SHPK: variants seen among roughly 807,000 people sequenced by gnomAD.
The protein encoded by SHPK is carbohydrate kinase-like protein.
In SHPK, 51 loss-of-function variants were observed where a neutral mutation model predicts 46.3. The ratio of observed to expected loss-of-function variants is 1.10; its 90% CI spans 0.88 to 1.39. The LOEUF is 1.39. Ranked by LOEUF, SHPK falls within the 40% of genes most tolerant of loss-of-function variation. The pLI is 0.00. For synonymous variants in SHPK, 290 were observed against 273.9 expected (o/e 1.06, Z -0.58); for missense variants, 668 against 641.3 (o/e 1.04, Z -0.45).
rs751473040 is a variant in SHPK, at chr17:3,621,429, G to C, written c.648-17C>G. On this transcript the variant is annotated splice_polypyrimidine_tract_variant and intron_variant, in intron 4 of 6. Coordinates refer to ENST00000225519, the MANE Select transcript of SHPK (RefSeq NM_013276.4). ...CTCCTCAGTCTGTAAAACAGAAGTGGACACCCACATGGACCCACAGTTAGG... is the reference window on the plus strand; with the variant it reads ...CTCCTCAGTCTGTAAAACAGAAGTGCACACCCACATGGACCCACAGTTAGG... 1 of 1,611,708 alleles carries C rather than the reference G, an allele frequency of 6.2e-7. No individual in the cohort carries two copies. The highest frequency in any genetic ancestry group is 8.5e-7 in the Non-Finnish European group (1 of 1,178,768).
At chr17:3,632,088 C>A (rs868500282) in intron 1 of SHPK, among the ~76,000 whole-genome samples, 2 of 151,966 alleles carry the variant, frequency 1.3e-5, no homozygotes, top group Middle Eastern at 3.4e-3. Context: ...TCCCAAGTAC[C>A]TGGGACTATA....
Position 3,623,397 on chromosome 17 carries a change from G to A in SHPK, c.589C>T (p.Gln197Ter). The part of the protein sequence containing the change: ...CGLPRPLMSD[Q>*]NAASWGYFNT... ...AAATAGCCCCAGCTGGCAGCATTCT[G>A]GTCGGACATCAGAGGTCTTGGCAAG... The change falls in exon 4 of 7, where the codon CAG becomes TAG. Residue 197 changes from glutamine to a stop codon, truncating the protein, a stop_gained. Coordinates refer to ENST00000225519, the MANE Select transcript of SHPK (RefSeq NM_013276.4). LOFTEE classifies it high-confidence loss of function. The A allele has an allele frequency of 3.1e-6, 5 of 1,614,188 alleles. No homozygotes were observed. Among genetic ancestry groups the A allele is most frequent in the Non-Finnish European group, 3.4e-6 (4 of 1,179,990 alleles).
intron 1 of SHPK, among the ~76,000 whole-genome samples, chr17:3,631,379 T>C (rs1037153833): frequency 4.6e-5 from 7 of 151,972 alleles, no homozygotes; most frequent in African/African-American, 1.7e-4. Context: ...GGAATAGACA[T>C]TTGTTTAGAC....
chr17:3,611,798 GTTTTT>G (rs570066157), intron 6 of SHPK, among the ~76,000 whole-genome samples: 2 of 92,134 alleles, frequency 2.2e-5, no homozygotes, highest in African/African-American at 4.6e-5. Flanking sequence ...AGCTCTGCGG[GTTTTT>G]TTTTTTTTTT....
Position 3,611,154 on chromosome 17 carries a change from G to A in SHPK, c.1025-182C>T, listed in dbSNP as rs753990053. ...TAGCTACACTCTGCCCTGGATCCCC[G>A]CCCGCTGTCTCAGTGCAGACCCCAG... On this transcript the variant is annotated intron_variant, in intron 6 of 6. Transcript: ENST00000225519. Among the ~76,000 whole-genome samples the A allele has an allele frequency of 7.2e-5, 11 of 152,294 alleles. No homozygotes were observed. The South Asian group carries it at 2.1e-3, about 29-fold the overall frequency.
chr17:3,615,315 C>T (rs370963928), intron 6 of SHPK, 22 bp downstream of exon 6: 88 of 1,611,010 alleles, frequency 5.5e-5, no homozygotes, highest in Non-Finnish European at 6.7e-5. Context: ...GAGAACACAG[C>T]GCTGTGTGGG....
chr17:3,628,178 C>T (rs950786419), intron 2 of SHPK, among the ~76,000 whole-genome samples: 2 of 152,158 alleles, frequency 1.3e-5, no homozygotes, highest in African/African-American at 4.8e-5. Flanking sequence ...CTCATAACTA[C>T]AGCCCCCCAA....
intron 1 of SHPK, among the ~76,000 whole-genome samples, chr17:3,632,432 T>C (rs560773175): frequency 6.6e-6 from 1 of 152,136 alleles, no homozygotes; most frequent in Admixed American, 6.5e-5. Flanking sequence ...CACATGGCCA[T>C]GGGGTGGTGT....
intron 5 of SHPK, among the ~76,000 whole-genome samples, chr17:3,616,776 T>C (rs574578307): frequency 6.6e-6 from 1 of 152,336 alleles, no homozygotes; most frequent in Admixed American, 6.5e-5. Flanking sequence ...TTTTGCTCTG[T>C]CACCCAGTCT....
At chr17:3,625,918 T>C (rs957997086) in intron 2 of SHPK, among the ~76,000 whole-genome samples, 3 of 152,118 alleles carry the variant, frequency 2.0e-5, no homozygotes, top group South Asian at 2.1e-4. Flanking sequence ...CCAGGTGTGG[T>C]AGCGGGTGCC....
chr17:3,623,687 A>C (rs956381410), intron 3 of SHPK, among the ~76,000 whole-genome samples, 196 bp from the exon 4 acceptor site: 2 of 152,180 alleles, frequency 1.3e-5, no homozygotes, highest in South Asian at 4.1e-4. Context: ...AGCCTAAGTC[A>C]GCCCCAGGGG....
At chr17:3,634,432 C>G (rs1205518242) in intron 1 of SHPK, among the ~76,000 whole-genome samples, 1 of 151,864 alleles carries the variant, frequency 6.6e-6, no homozygotes, top group East Asian at 1.9e-4. Context: ...ATTCTCCAAG[C>G]ATGGTGGCGC....
At chr17:3,633,126 G>A (rs951341248) in intron 1 of SHPK, among the ~76,000 whole-genome samples, 1 of 151,582 alleles carries the variant, frequency 6.6e-6, no homozygotes, top group African/African-American at 2.4e-5. Context: ...TTACAAGCAC[G>A]CATCACCACG....
intron 1 of SHPK, among the ~76,000 whole-genome samples, chr17:3,635,687 G>T (rs893188173): frequency 2.0e-5 from 3 of 152,202 alleles, no homozygotes; most frequent in Non-Finnish European, 4.4e-5. Context: ...CAGGTGTGAG[G>T]AGCGGAGAGC....
In SHPK at chr17:3,634,241, G is replaced by A. The variant is rs552078220; in HGVS notation, c.168+1811C>T. 2.6e-4 allele frequency among the ~76,000 whole-genome samples: 39 copies of A among 147,542 alleles called. 1 individual carries two copies. The highest frequency in any genetic ancestry group is 8.0e-4 in the African/African-American group (32 of 39,818). On this transcript the variant is annotated intron_variant, in intron 1 of 6. Coordinates refer to ENST00000225519, the MANE Select transcript of SHPK (RefSeq NM_013276.4). Reference sequence around the variant, plus strand: ...ATGACCCTGCCAAATCCCCCTCTGCGAGAAACACCCAAGAGTGATCAATTA... The same window carrying A: ...ATGACCCTGCCAAATCCCCCTCTGCAAGAAACACCCAAGAGTGATCAATTA...
chr17:3,630,024 C>T (rs1373056062), intron 2 of SHPK, among the ~76,000 whole-genome samples, 181 bp downstream of exon 2: 1 of 152,108 alleles, frequency 6.6e-6, no homozygotes, highest in Non-Finnish European at 1.5e-5. Flanking sequence ...CCTTTGTTCA[C>T]CTAACATTGG....
chr17:3,617,230 G>A (rs976888712), intron 5 of SHPK, among the ~76,000 whole-genome samples: 8 of 150,894 alleles, frequency 5.3e-5, no homozygotes, highest in African/African-American at 1.7e-4. Context: ...CCCACCTCAC[G>A]ATGACCTCTG....
chr17:3,619,193 G>T, intron 5 of SHPK: 1 of 453,412 alleles, frequency 2.2e-6, no homozygotes, highest in Non-Finnish European at 4.1e-6. Context: ...CACGTAAATT[G>T]CCTTCAGCCT....
chr17:3,624,995 CT>C (rs1271988214), intron 2 of SHPK, among the ~76,000 whole-genome samples: 1 of 124,276 alleles, frequency 8.0e-6, no homozygotes, highest in Non-Finnish European at 1.7e-5. Context: ...TTAAAATCAT[CT>C]GACCGTCAGA....
Sources: gnomAD v4.1 joint callset for allele counts (sites outside exome capture counted in the v4.1 genomes callset) on GRCh38, gnomAD v4.1.1 for gene constraint, MANE v1.5 for transcripts, NCBI Gene and HGNC (gene_info 2026-07-23, HGNC 2026-07-21) for gene names.